The following PRKG1 variants were observed in gnomAD, a reference collection of about 807,000 sequenced individuals.
PRKG1 encodes protein kinase cGMP-dependent 1.
A neutral mutation model predicts 88.1 loss-of-function variants in PRKG1; 35 were observed. That is an observed-to-expected ratio of 0.40 (90% CI 0.30 to 0.53). The LOEUF (loss-of-function observed/expected upper bound fraction) is 0.53, where lower values mean the gene tolerates loss of function less well. Ranked by LOEUF, PRKG1 falls within the 20% of genes least tolerant of loss-of-function variation. The pLI is 0.59. For synonymous variants in PRKG1, 303 were observed against 292.5 expected (o/e 1.04, Z -0.37); for missense variants, 540 against 839.8 (o/e 0.64, Z 4.41).
At position 51,326,180 on chromosome 10, in the gene PRKG1, C is replaced by T. The variant is rs1841277219; in HGVS notation, c.479-141543C>T. The stretch of plus-strand genomic sequence containing the variant: ...TGTTTCTATTAAAGAACTTAGATAC[C>T]TATCTGAAATGTAATAGTTTGCAAG... On this transcript the variant is annotated intron_variant, in intron 2 of 17. Transcript: ENST00000373980. Among the ~76,000 whole-genome samples the T allele has an allele frequency of 2.0e-5, 3 of 152,238 alleles. No homozygotes were observed. In the South Asian group the frequency reaches 6.2e-4, roughly 32 times the overall value.
At chr10:51,001,345 T>G (rs1054089255) in intron 1 of PRKG1, among the ~76,000 whole-genome samples, 3 of 152,336 alleles carry the variant, frequency 2.0e-5, no homozygotes, top group South Asian at 4.1e-4. Flanking sequence ...TTCCATCATG[T>G]GGTATTTTAT....
intron 3 of PRKG1, among the ~76,000 whole-genome samples, chr10:51,749,270 A>G (rs1299747441): frequency 6.6e-6 from 1 of 152,226 alleles, no homozygotes; most frequent in Non-Finnish European, 1.5e-5. Flanking sequence ...GACTGTTATA[A>G]CAAAATACTA....
intron 3 of PRKG1, among the ~76,000 whole-genome samples, chr10:51,755,921 A>G (rs1837848204): frequency 6.6e-6 from 1 of 152,060 alleles, no homozygotes. Flanking sequence ...AAGCCAACCC[A>G]TTTCTTCTTT....
At chr10:51,646,076 T>C (rs1839908195) in intron 3 of PRKG1, among the ~76,000 whole-genome samples, 1 of 152,228 alleles carries the variant, frequency 6.6e-6, no homozygotes, top group Middle Eastern at 3.4e-3. Flanking sequence ...TGTAAAATCA[T>C]AGAGTATAGC....
At chr10:51,227,599 G>T (rs1181788731) in intron 2 of PRKG1, among the ~76,000 whole-genome samples, 2 of 152,146 alleles carry the variant, frequency 1.3e-5, no homozygotes, top group Non-Finnish European at 2.9e-5. Flanking sequence ...ATTTATCTTT[G>T]TATCCCAAAT....
intron 5 of PRKG1, among the ~76,000 whole-genome samples, chr10:51,911,935 T>C (rs1842226594): frequency 6.6e-6 from 1 of 152,210 alleles, no homozygotes; most frequent in African/African-American, 2.4e-5. Flanking sequence ...TATGGAGCAC[T>C]TGCCATGTGC....
At chr10:51,148,377 G>T in intron 1 of PRKG1, 1 of 489,750 alleles carries the variant, frequency 2.0e-6, no homozygotes, top group Non-Finnish European at 2.7e-6. Context: ...TATTATAGAA[G>T]ATTTGTGCTA....
At chr10:51,562,477 A>G (rs571002244) in intron 3 of PRKG1, among the ~76,000 whole-genome samples, 13 of 152,226 alleles carry the variant, frequency 8.5e-5, no homozygotes, top group African/African-American at 3.1e-4. Flanking sequence ...TTAGTAATCC[A>G]TAGATACGTG....
At position 50,991,246 on chromosome 10, in the gene PRKG1, G is replaced by A. The variant is rs912390730; in HGVS notation, c.-133G>A. ...CGCCGCATTAGGGGCGCACTCCGCC[G>A]CGCTCGAGTACTTAGCGCCCATTCA... On this transcript the variant is annotated 5_prime_UTR_variant, in exon 1 of 18. Coordinates refer to the PRKG1 transcript ENST00000401604. The surrounding 1 kb of genome is among the most constrained non-coding windows in gnomAD (Gnocchi z 4.5). 3.0e-6 allele frequency: 4 copies of A among 1,325,094 alleles called. No homozygotes were observed. The highest frequency in any genetic ancestry group is 3.1e-5 in the South Asian group (2 of 63,724). The allele number at this position is 1,325,094 out of a possible 1,614,324, so 82.1% of individuals were successfully genotyped here. A position where few individuals can be genotyped will look rare whatever the true frequency, so the allele number is the denominator to read the frequency against.
Position 51,507,396 on chromosome 10 carries a change from A to T in PRKG1, c.592+39560A>T, listed in dbSNP as rs1467188284. The stretch of plus-strand genomic sequence containing the variant: ...CTATTCCCAAATAGTTGGCTAAATG[A>T]GCTATCTGAAGAAAACGTGTGTGGG... On this transcript the variant is annotated intron_variant, in intron 3 of 17. Transcript: ENST00000373980. 7.3e-5 allele frequency among the ~76,000 whole-genome samples: 11 copies of T among 151,544 alleles called. No homozygotes were observed. In the East Asian group the frequency reaches 2.0e-3, roughly 27 times the overall value.
chr10:51,858,399 A>AAAATATATATATT (rs1564678998), intron 4 of PRKG1, among the ~76,000 whole-genome samples: 3 of 13,240 alleles, frequency 2.3e-4, no homozygotes, highest in Non-Finnish European at 8.9e-4. Context: ...TAATATATAT[A>AAAATATATATATT]ATATATATAA....
At chr10:52,241,241 C>A (rs536186519) in intron 9 of PRKG1, among the ~76,000 whole-genome samples, 5 of 152,034 alleles carry the variant, frequency 3.3e-5, no homozygotes, top group Non-Finnish European at 7.4e-5. Context: ...GAAGCAAGAG[C>A]TTTAGGAGCC....
intron 9 of PRKG1, among the ~76,000 whole-genome samples, chr10:52,217,217 A>G (rs1840133175): frequency 1.3e-5 from 2 of 151,876 alleles, no homozygotes; most frequent in Admixed American, 1.3e-4. Flanking sequence ...AGTTTATCCT[A>G]CTTCCTTTTG....
At chr10:52,070,362 G>T (rs1474997313) in intron 7 of PRKG1, among the ~76,000 whole-genome samples, 1 of 152,176 alleles carries the variant, frequency 6.6e-6, no homozygotes. Flanking sequence ...TTCATGTTCT[G>T]CAGCCAGTCA....
chr10:51,738,804 G>T (rs1837358019), intron 3 of PRKG1, among the ~76,000 whole-genome samples: 2 of 152,198 alleles, frequency 1.3e-5, no homozygotes, highest in South Asian at 4.1e-4. Flanking sequence ...CTATTCTAAT[G>T]TGATTCTGAT....
chr10:51,534,954 A>G (rs565030343), intron 3 of PRKG1, among the ~76,000 whole-genome samples: 1 of 152,264 alleles, frequency 6.6e-6, no homozygotes, highest in South Asian at 2.1e-4. Flanking sequence ...GCCAACCAAC[A>G]AGCAAAAAAA....
intron 3 of PRKG1, among the ~76,000 whole-genome samples, chr10:51,499,690 A>G (rs1019636498): frequency 7.2e-5 from 11 of 152,210 alleles, no homozygotes; most frequent in Non-Finnish European, 1.2e-4. Context: ...CTGTAATCCC[A>G]GCACTTTGGA....
intron 2 of PRKG1, among the ~76,000 whole-genome samples, chr10:51,281,330 G>C (rs1459202448): frequency 1.3e-5 from 2 of 152,160 alleles, no homozygotes; most frequent in Admixed American, 6.5e-5. Flanking sequence ...TGAGGAGGCA[G>C]TCTGTCCATT....
At chr10:51,520,216 C>A (rs1841700324) in intron 3 of PRKG1, among the ~76,000 whole-genome samples, 1 of 149,898 alleles carries the variant, frequency 6.7e-6, no homozygotes, top group Non-Finnish European at 1.5e-5. Context: ...ATAATATATA[C>A]AAATTAAATG....
Sources: gnomAD v4.1 joint callset for allele counts (sites outside exome capture counted in the v4.1 genomes callset) on GRCh38, gnomAD v4.1.1 for gene constraint, Gnocchi (gnomAD v3.1) non-coding constraint, MANE v1.5 for transcripts, NCBI Gene and HGNC (gene_info 2026-07-23, HGNC 2026-07-21) for gene names.